SMG6: variants seen among roughly 807,000 people sequenced by gnomAD.
SMG6 encodes the protein telomerase-binding protein EST1A.
SMG6 carries 66 observed loss-of-function variants against 142.2 expected under a neutral mutation model. The ratio of observed to expected loss-of-function variants is 0.46; its 90% CI spans 0.38 to 0.57. SMG6 has a LOEUF of 0.57. Ranked by LOEUF, SMG6 falls within the 20% of genes least tolerant of loss-of-function variation. SMG6 has a pLI of 0.00. For missense variants in SMG6, 1,793 were observed against 1,832.0 expected (o/e 0.98, Z 0.39); for synonymous variants, 779 against 702.4 (o/e 1.11, Z -1.72).
At chr17:2,252,045 A>G (rs908437312) in intron 8 of SMG6, among the ~76,000 whole-genome samples, 1 of 151,564 alleles carries the variant, frequency 6.6e-6, no homozygotes, top group African/African-American at 2.4e-5. Flanking sequence ...GGTTGCAGTG[A>G]GCCAAGATCG....
intron 12 of SMG6, chr17:2,173,306 G>C (rs1451011076): frequency 1.5e-5 from 3 of 200,124 alleles, no homozygotes; most frequent in African/African-American, 6.9e-5. Context: ...CAGCCATGGA[G>C]GGTCTAGTCA....
chr17:2,254,341 TTTG>T (rs1332126901), intron 8 of SMG6, among the ~76,000 whole-genome samples: 7 of 152,154 alleles, frequency 4.6e-5, no homozygotes, highest in Non-Finnish European at 1.0e-4. Context: ...ACCCATTTTT[TTTG>T]TTGTTGTTGA....
intron 10 of SMG6, among the ~76,000 whole-genome samples, chr17:2,197,001 C>T (rs769958256): frequency 7.2e-5 from 11 of 152,140 alleles, no homozygotes; most frequent in Non-Finnish European, 1.0e-4. Context: ...CATAATAGAT[C>T]GAAGACTTAT....
intron 10 of SMG6, among the ~76,000 whole-genome samples, chr17:2,210,361 T>A (rs905870484): frequency 6.6e-6 from 1 of 151,640 alleles, no homozygotes; most frequent in Non-Finnish European, 1.5e-5. Context: ...GCTCAAGCGA[T>A]CTTCTTTCCT....
intron 10 of SMG6, among the ~76,000 whole-genome samples, chr17:2,198,911 A>T (rs1240638014): frequency 6.6e-6 from 1 of 151,058 alleles, no homozygotes; most frequent in Non-Finnish European, 1.5e-5. Flanking sequence ...CTTACACAAG[A>T]AACTGTCAGG....
intron 10 of SMG6, among the ~76,000 whole-genome samples, chr17:2,224,240 G>C (rs2073254944): frequency 6.6e-6 from 1 of 152,106 alleles, no homozygotes; most frequent in Non-Finnish European, 1.5e-5. Context: ...AGGCTGCATG[G>C]ACACAGCCAA....
chr17:2,173,438 C>G (rs2071566451), intron 12 of SMG6, among the ~76,000 whole-genome samples: 1 of 152,238 alleles, frequency 6.6e-6, no homozygotes, highest in Non-Finnish European at 1.5e-5. Flanking sequence ...AACCTCATTC[C>G]TGGCCCATCA....
In SMG6 at chr17:2,061,608, G is replaced by C; in HGVS notation, c.4144C>G (p.Leu1382Val). 6.4e-7 allele frequency: 1 copy of C among 1,572,042 alleles called. No individual in the cohort carries two copies. The highest frequency in any genetic ancestry group is 8.6e-7 in the Non-Finnish European group (1 of 1,158,380). ...GTCAACAGCACCACCTCCCGCAGTA[G>C]CCGGATTGGCTCCTCTGTGGGCATG... ...MPASKEEPIR[L>V]LREVVLLTDD... The change falls in exon 19 of 19, where the codon CTA becomes GTA. Residue 1382 changes from leucine (L) to valine (V), a missense_variant. By Grantham distance (32) the Leu-to-Val change is conservative (BLOSUM62 1). Transcript: ENST00000263073.
At chr17:2,257,538 T>C (rs1195394458) in intron 8 of SMG6, among the ~76,000 whole-genome samples, 1 of 152,136 alleles carries the variant, frequency 6.6e-6, no homozygotes, top group Non-Finnish European at 1.5e-5. Context: ...CCAGCCTAAG[T>C]GAGTGGGCAA....
chr17:2,088,696 T>C lies in SMG6; in HGVS notation c.3358-2795A>G, dbSNP rs768075640. The C allele has an allele frequency of 2.7e-5, 27 of 985,336 alleles. 1 individual carries two copies. The highest frequency in any genetic ancestry group is 3.0e-5 in the Non-Finnish European group (25 of 829,962). The allele number at this position is 985,336 out of a possible 1,614,324, so 61.0% of individuals were successfully genotyped here. A position where few individuals can be genotyped will look rare whatever the true frequency, so the allele number is the denominator to read the frequency against. On this transcript the variant is annotated intron_variant, in intron 13 of 18. Coordinates refer to ENST00000263073, the MANE Select transcript of SMG6 (RefSeq NM_017575.5). ...ATGGTCAAAGCTGTGTAAAGTGTAC[T>C]GTGGGAGTGAGAAGTGCACAGTCTG...
intron 8 of SMG6, among the ~76,000 whole-genome samples, chr17:2,250,327 G>C (rs1430037585): frequency 6.6e-6 from 1 of 152,030 alleles, no homozygotes; most frequent in African/African-American, 2.4e-5. Flanking sequence ...GCATTTTAAA[G>C]TGATTTTGAG....
At chr17:2,081,781 G>A (rs775236515) in intron 15 of SMG6, 29 bp downstream of exon 15, 2 of 1,610,358 alleles carry the variant, frequency 1.2e-6, no homozygotes, top group South Asian at 1.1e-5. Context: ...CCCCCATAGT[G>A]GGAACCACGC....
At chr17:2,281,526 C>G (rs759772575) in intron 8 of SMG6, among the ~76,000 whole-genome samples, 12 of 152,154 alleles carry the variant, frequency 7.9e-5, no homozygotes, top group Non-Finnish European at 1.8e-4. Context: ...TTCCCACCTC[C>G]AAAGCCATTT....
intron 13 of SMG6, among the ~76,000 whole-genome samples, chr17:2,136,217 T>C (rs1012859401): frequency 3.3e-5 from 5 of 151,804 alleles, no homozygotes; most frequent in African/African-American, 7.3e-5. Flanking sequence ...ATGCACACCA[T>C]GCCTGGCTAA....
chr17:2,198,923 G>T (rs1052989869), intron 10 of SMG6, among the ~76,000 whole-genome samples: 1 of 143,440 alleles, frequency 7.0e-6, no homozygotes, highest in Non-Finnish European at 1.5e-5. Context: ...ACTGTCAGGG[G>T]CAACCAGAAG....
At chr17:2,278,822 C>T (rs996309407) in intron 8 of SMG6, among the ~76,000 whole-genome samples, 2 of 152,062 alleles carry the variant, frequency 1.3e-5, no homozygotes, top group Non-Finnish European at 2.9e-5. Flanking sequence ...CAACACAACT[C>T]CAAAAAAATT....
chr17:2,287,993 G>A (rs560466809), intron 6 of SMG6, among the ~76,000 whole-genome samples: 30 of 152,302 alleles, frequency 2.0e-4, no homozygotes, highest in Middle Eastern at 3.4e-3. Context: ...ATGAATGTAC[G>A]TAATGCTACT....
chr17:2,175,038 AG>A (rs1432946843), intron 12 of SMG6, among the ~76,000 whole-genome samples: 6 of 152,094 alleles, frequency 3.9e-5, no homozygotes, highest in Non-Finnish European at 8.8e-5. Flanking sequence ...AGGGCTGCTC[AG>A]GGCCGCCTCC....
chr17:2,210,350 G>A (rs895306461), intron 10 of SMG6, among the ~76,000 whole-genome samples: 5 of 151,226 alleles, frequency 3.3e-5, no homozygotes, highest in African/African-American at 1.2e-4. Flanking sequence ...CAAACTTCTG[G>A]GCTCAAGCGA....
Sources: allele counts gnomAD v4.1 joint callset (sites outside exome capture counted in the v4.1 genomes callset), GRCh38; gene constraint gnomAD v4.1.1; transcripts MANE v1.5; gene names NCBI Gene and HGNC (gene_info 2026-07-23, HGNC 2026-07-21).